SGK1: variants seen among roughly 807,000 people sequenced by gnomAD.
SGK1 encodes the protein serum/glucocorticoid regulated kinase 1.
Under a neutral mutation model 64.2 loss-of-function variants are expected in SGK1, and 26 were observed. The ratio of observed to expected loss-of-function variants is 0.40; its 90% CI spans 0.30 to 0.56. The LOEUF is 0.56. Ranked by LOEUF, SGK1 falls within the 20% of genes least tolerant of loss-of-function variation. SGK1 has a pLI of 0.38. For synonymous variants in SGK1, 265 were observed against 239.7 expected (o/e 1.11, Z -0.98); for missense variants, 519 against 645.6 (o/e 0.80, Z 2.12).
chr6:134,298,506 G>A (rs1777396630), intron 1 of SGK1: 8 of 803,236 alleles, frequency 1.0e-5, no homozygotes, highest in Non-Finnish European at 1.8e-5. Flanking sequence ...TGTGACGGCA[G>A]TGATGCCTCC....
rs1242791468 is a variant in SGK1, at chr6:134,220,833, T to G, written c.286-13402A>C. ...GCCATCTCTACTAAAAATACAAAAA[T>G]TAGTCAGGCATGGTGGCCCACGCCT... On this transcript the variant is annotated intron_variant, in intron 2 of 13. Coordinates refer to ENST00000367858, the MANE Select transcript of SGK1 (RefSeq NM_001143676.3). Among the ~76,000 whole-genome samples, 6 of 112,212 alleles carry G rather than the reference T, an allele frequency of 5.3e-5. No individual in the cohort carries two copies. In the East Asian group the frequency reaches 1.4e-3, roughly 25 times the overall value. 73.6% of individuals were successfully genotyped at this position (112,212 alleles called of 152,430 possible).
At chr6:134,317,030 A>G (rs1245217992) in intron 1 of SGK1, among the ~76,000 whole-genome samples, 1 of 152,194 alleles carries the variant, frequency 6.6e-6, no homozygotes, top group African/African-American at 2.4e-5. Flanking sequence ...GATGAGAGGA[A>G]GCTGCTAAAT....
chr6:134,267,911 T>C (rs1476132808), intron 1 of SGK1, among the ~76,000 whole-genome samples: 1 of 152,258 alleles, frequency 6.6e-6, no homozygotes, highest in Non-Finnish European at 1.5e-5. Flanking sequence ...TTGTCTCCAT[T>C]GGCTTAGTCC....
chr6:134,301,422 C>T (rs577060604), intron 1 of SGK1, among the ~76,000 whole-genome samples: 3 of 152,250 alleles, frequency 2.0e-5, no homozygotes, highest in Admixed American at 2.0e-4. Context: ...AAATCACCCA[C>T]AAGTAGGAGG....
intron 2 of SGK1, among the ~76,000 whole-genome samples, chr6:134,228,403 T>A (rs1353006514): frequency 6.6e-6 from 1 of 152,132 alleles, no homozygotes; most frequent in Admixed American, 6.6e-5. Context: ...TAGAAGTAAA[T>A]TTTCATTTCT....
At chr6:134,265,491 A>AT (rs527602000) in intron 1 of SGK1, among the ~76,000 whole-genome samples, 16 of 148,036 alleles carry the variant, frequency 1.1e-4, no homozygotes, top group African/African-American at 3.2e-4. Flanking sequence ...AAACAAAAAA[A>AT]ATATATATAT....
intron 1 of SGK1, among the ~76,000 whole-genome samples, chr6:134,273,918 C>T (rs138064896): frequency 1.6e-3 from 238 of 152,172 alleles, no homozygotes; most frequent in African/African-American, 5.1e-3. Context: ...CTTAGCCTTC[C>T]GAAGAGCTGG....
intron 2 of SGK1, among the ~76,000 whole-genome samples, chr6:134,253,294 T>A (rs1025149307): frequency 8.7e-6 from 1 of 114,812 alleles, no homozygotes; most frequent in East Asian, 6.0e-4. Context: ...TTTGTTTTTC[T>A]TTTTTTTTTT....
At chr6:134,184,975 G>A (rs1230342402) in intron 3 of SGK1, among the ~76,000 whole-genome samples, 5 of 152,208 alleles carry the variant, frequency 3.3e-5, no homozygotes, top group Admixed American at 6.5e-5. Context: ...ATAAGCCACC[G>A]ACCCTGGCCG....
At chr6:134,174,862 G>A (rs1775169354) in intron 3 of SGK1, 1 of 1,610,052 alleles carries the variant, frequency 6.2e-7, no homozygotes, top group Admixed American at 1.7e-5. Flanking sequence ...CTCGGCGTAT[G>A]CTGCGCCAGG....
At chr6:134,215,134 C>CT (rs202041836) in intron 2 of SGK1, 151 of 391,958 alleles carry the variant, frequency 3.9e-4, no homozygotes, top group Middle Eastern at 3.5e-3. Flanking sequence ...TTCTTTCTTT[C>CT]TTTTTTTTTT....
chr6:134,171,053 C>T lies in SGK1; in HGVS notation c.1293G>A (p.Arg431=), dbSNP rs1562235938. The change falls in exon 12 of 14, where the codon AGG becomes AGA. Residue 431 remains arginine, a synonymous_variant. Coordinates refer to ENST00000367858, the MANE Select transcript of SGK1 (RefSeq NM_001143676.3). ...HLLEGLLQKD[R]TKRLGAKDDF... is the part of the protein sequence containing the mutation. ...CATCCTTGGCCCCGAGCCGCTTTGT[C>T]CTGTCCTTCTGCAGGAGGCCCTCCA... is the stretch of plus-strand genomic sequence containing the variant. The T allele has an allele frequency of 6.2e-7, 1 of 1,614,132 alleles. No homozygotes were observed. The highest frequency in any genetic ancestry group is 8.5e-7 in the Non-Finnish European group (1 of 1,180,006).
chr6:134,205,951 G>C (rs1338226783), intron 3 of SGK1, among the ~76,000 whole-genome samples: 1 of 151,984 alleles, frequency 6.6e-6, no homozygotes, highest in Non-Finnish European at 1.5e-5. Flanking sequence ...GTGCAATTAG[G>C]CCTCACGGCT....
At chr6:134,196,769 A>G (rs1775600823) in intron 3 of SGK1, among the ~76,000 whole-genome samples, 1 of 152,234 alleles carries the variant, frequency 6.6e-6, no homozygotes, top group Non-Finnish European at 1.5e-5. Context: ...GGATGCCAAA[A>G]ACCACGTATG....
intron 3 of SGK1, chr6:134,175,032 G>A: frequency 3.8e-6 from 3 of 791,204 alleles, no homozygotes; most frequent in Non-Finnish European, 5.4e-6. Context: ...TGTCCCCATT[G>A]AGAGGGCGAG....
At chr6:134,254,533 C>T (rs757198309) in intron 2 of SGK1, among the ~76,000 whole-genome samples, 71 of 152,082 alleles carry the variant, frequency 4.7e-4, no homozygotes, top group Admixed American at 7.2e-4. Context: ...TTTCCCCAAA[C>T]GCACAAGTAA....
chr6:134,313,343 A>G (rs1777634247), intron 1 of SGK1, among the ~76,000 whole-genome samples: 1 of 152,150 alleles, frequency 6.6e-6, no homozygotes, highest in East Asian at 1.9e-4. Flanking sequence ...TGTCTCTGCA[A>G]ACAACCAACC....
At position 134,208,746 on chromosome 6, in the gene SGK1, G is replaced by GTGTA. The variant is rs386408679; in HGVS notation, c.286-1316_286-1315insTACA. The stretch of plus-strand genomic sequence containing the variant: ...TGGCTGGGTAGTATTCCATGTATGC[G>GTGTA]TATATATATATATACACATATATAT... On this transcript the variant is annotated intron_variant, in intron 2 of 13. Transcript: ENST00000367858. Among the ~76,000 whole-genome samples, 73 of 36,408 alleles carry GTGTA rather than the reference G, an allele frequency of 2.0e-3. 2 individuals are homozygous for GTGTA. In the South Asian group the frequency reaches 0.07, roughly 35 times the overall value. The allele number at this position is 36,408 out of a possible 152,430, so 23.9% of individuals were successfully genotyped here.
At chr6:134,303,248 G>C (rs113480179) in intron 1 of SGK1, among the ~76,000 whole-genome samples, 7,436 of 151,748 alleles carry the variant, frequency 0.049, 246 homozygotes, top group Non-Finnish European at 0.074. Flanking sequence ...GAAAATTAGC[G>C]GGGCGTGGTG....
Sources: gnomAD v4.1 joint callset for allele counts (sites outside exome capture counted in the v4.1 genomes callset) on GRCh38, gnomAD v4.1.1 for gene constraint, MANE v1.5 for transcripts, NCBI Gene and HGNC (gene_info 2026-07-23, HGNC 2026-07-21) for gene names.